The following CAST variants were observed in gnomAD, a reference collection of about 807,000 sequenced individuals.
CAST encodes the protein calpastatin.
In CAST, 76 loss-of-function variants were observed where a neutral mutation model predicts 119.6. The ratio of observed to expected loss-of-function variants is 0.64; its 90% CI spans 0.53 to 0.77. CAST has a LOEUF of 0.77. Among genes scored for constraint, CAST ranks in the 30% least tolerant of loss-of-function variants. CAST has a pLI of 0.00. For missense variants in CAST, 953 were observed against 946.5 expected (o/e 1.01, Z -0.09); for synonymous variants, 319 against 331.6 (o/e 0.96, Z 0.41).
chr5:95,999,887 C>G, the CAST span, among the ~76,000 whole-genome samples: 1 of 152,142 alleles, frequency 6.6e-6, no homozygotes, highest in Admixed American at 6.5e-5. Context: ...ATAAGAGTCC[C>G]CATTTCTCCA....
chr5:96,088,354 G>T, the CAST span, among the ~76,000 whole-genome samples: 2 of 152,264 alleles, frequency 1.3e-5, no homozygotes, highest in East Asian at 3.9e-4. Context: ...TCCAGGCCAT[G>T]GCTGCCAGTG....
the CAST span, among the ~76,000 whole-genome samples, chr5:96,248,629 G>A: frequency 6.6e-6 from 1 of 152,170 alleles, no homozygotes; most frequent in Non-Finnish European, 1.5e-5. Context: ...TGTAATGTCA[G>A]TAACTTTTGT....
chr5:96,620,788 T>TG (rs1205560651), intron 1 of CAST, among the ~76,000 whole-genome samples: 1 of 152,188 alleles, frequency 6.6e-6, no homozygotes, highest in Non-Finnish European at 1.5e-5. Flanking sequence ...GCATAGCTTT[T>TG]GGGGGGATTA....
the CAST span, among the ~76,000 whole-genome samples, chr5:96,116,934 G>T: frequency 6.6e-6 from 1 of 152,118 alleles, no homozygotes; most frequent in Non-Finnish European, 1.5e-5. Flanking sequence ...TGCATAGAAG[G>T]CTCATTCCTT....
the CAST span, chr5:96,429,167 C>G: frequency 2.1e-6 from 2 of 948,018 alleles, no homozygotes; most frequent in Non-Finnish European, 3.4e-6. Context: ...ATAAAGAAAG[C>G]AGATAAGCTA....
At chr5:96,489,896 G>T in the CAST span, among the ~76,000 whole-genome samples, 1 of 152,234 alleles carries the variant, frequency 6.6e-6, no homozygotes, top group African/African-American at 2.4e-5. Context: ...ATTTGAGGCT[G>T]TGAATAAGAA....
the CAST span, among the ~76,000 whole-genome samples, chr5:96,443,300 A>T: frequency 6.6e-6 from 1 of 152,212 alleles, no homozygotes; most frequent in Non-Finnish European, 1.5e-5. Flanking sequence ...TCCTATGAAG[A>T]TGCATAACTA....
chr5:96,725,215 T>C (rs1759037287), intron 4 of CAST, among the ~76,000 whole-genome samples: 1 of 152,252 alleles, frequency 6.6e-6, no homozygotes, highest in African/African-American at 2.4e-5. Context: ...CCCTGGAACC[T>C]GGTTCCATAT....
At chr5:96,590,715 T>A (rs1418720250) in intron 1 of CAST, among the ~76,000 whole-genome samples, 1 of 152,246 alleles carries the variant, frequency 6.6e-6, no homozygotes, top group Admixed American at 6.5e-5. Flanking sequence ...AGGGTGAGAC[T>A]GGAAACTGGT....
the CAST span, among the ~76,000 whole-genome samples, chr5:96,090,785 G>C: frequency 1.3e-5 from 2 of 151,726 alleles, no homozygotes; most frequent in Non-Finnish European, 2.9e-5. Context: ...GCAGAGAACA[G>C]GAAGCAACTA....
the CAST span, among the ~76,000 whole-genome samples, chr5:96,250,129 A>G: frequency 2.3e-3 from 357 of 152,290 alleles, 1 homozygote; most frequent in African/African-American, 8.3e-3. Context: ...TTCTCAAATG[A>G]CATGATTTCA....
At chr5:96,450,553 A>G in the CAST span, among the ~76,000 whole-genome samples, 21 of 152,370 alleles carry the variant, frequency 1.4e-4, no homozygotes, top group Admixed American at 5.2e-4. Context: ...CAATATATCT[A>G]TGTAACACAA....
At chr5:96,401,243 A>G in the CAST span, among the ~76,000 whole-genome samples, 1 of 152,136 alleles carries the variant, frequency 6.6e-6, no homozygotes, top group African/African-American at 2.4e-5. Context: ...ATCTAGGAAA[A>G]CTTTGTGGGG....
intron 1 of CAST, among the ~76,000 whole-genome samples, chr5:96,558,161 A>T (rs1010908981): frequency 6.6e-6 from 1 of 152,216 alleles, no homozygotes; most frequent in Non-Finnish European, 1.5e-5. Context: ...AACCAACGAG[A>T]ATAAAGACAC....
chr5:96,640,747 A>G (rs1747940339), intron 1 of CAST, among the ~76,000 whole-genome samples: 1 of 152,184 alleles, frequency 6.6e-6, no homozygotes, highest in Non-Finnish European at 1.5e-5. Context: ...GCCTTTTTAT[A>G]CCTGCATCAC....
At position 96,735,584 on chromosome 5, in the gene CAST, C is replaced by T. The variant is rs562323807; in HGVS notation, c.631-588C>T. 4.6e-5 allele frequency among the ~76,000 whole-genome samples: 7 copies of T among 152,038 alleles called. No homozygotes were observed. In the South Asian group the frequency reaches 1.2e-3, roughly 27 times the overall value. Reference sequence around the variant, plus strand: ...TGCCACAATAGGATCAGAATGGTGCCGAAAGGTGGCAATGGGGAGGGAGAG... The same window carrying T: ...TGCCACAATAGGATCAGAATGGTGCTGAAAGGTGGCAATGGGGAGGGAGAG... On this transcript the variant is annotated intron_variant, in intron 9 of 31. Transcript: ENST00000675179.
chr5:95,972,702 T>G, the CAST span, among the ~76,000 whole-genome samples: 5 of 152,236 alleles, frequency 3.3e-5, no homozygotes, highest in Non-Finnish European at 5.9e-5. Flanking sequence ...AAAAAGTTTT[T>G]GATTTTGATG....
the CAST span, among the ~76,000 whole-genome samples, chr5:96,219,530 G>A: frequency 2.0e-5 from 3 of 152,182 alleles, no homozygotes; most frequent in South Asian, 2.1e-4. Flanking sequence ...GCCTGGCCAG[G>A]CATGGTGGCC....
intron 1 of CAST, among the ~76,000 whole-genome samples, chr5:96,554,620 C>G (rs912875643): frequency 3.3e-5 from 5 of 152,158 alleles, no homozygotes; most frequent in Non-Finnish European, 7.3e-5. Flanking sequence ...GAACAGGCAA[C>G]CTACAGAATG....
Sources: allele counts gnomAD v4.1 joint callset (sites outside exome capture counted in the v4.1 genomes callset), GRCh38; gene constraint gnomAD v4.1.1; transcripts MANE v1.5; gene names NCBI Gene and HGNC (gene_info 2026-07-23, HGNC 2026-07-21).